Variants in GRIK2 observed in about 807,000 individuals in gnomAD.
GRIK2 encodes the protein glutamate ionotropic receptor kainate type subunit 2, also known as glutamate receptor ionotropic, kainate 2.
Under a neutral mutation model 100.3 loss-of-function variants are expected in GRIK2, and 32 were observed. The ratio of observed to expected loss-of-function variants is 0.32; its 90% CI spans 0.24 to 0.43. The LOEUF (loss-of-function observed/expected upper bound fraction) is 0.43, where lower values mean the gene tolerates loss of function less well. Among genes scored for constraint, GRIK2 ranks in the 20% least tolerant of loss-of-function variants. The pLI is 1.00. For synonymous variants in GRIK2, 417 were observed against 389.4 expected, an observed-to-expected ratio of 1.07 and a Z score of -0.83; for missense variants, 843 against 1,114.9, an observed-to-expected ratio of 0.76 and a Z score of 3.47.
rs77270758 is a variant in GRIK2, at chr6:101,469,188, G to A, written c.115+69796G>A. On this transcript the variant is annotated intron_variant, in intron 2 of 16. Transcript: ENST00000369134. ...AGGTGGTTTGTTCAAAAATATCAGA[G>A]CTAATATTTTTAGAGTAACTGATCT... Among the ~76,000 whole-genome samples, 946 of 152,190 alleles carry A rather than the reference G, an allele frequency of 6.2e-3. 7 individuals carry two copies. Among genetic ancestry groups the A allele is most frequent in the African/African-American group, 0.022 (920 of 41,524 alleles).
intron 2 of GRIK2, among the ~76,000 whole-genome samples, chr6:101,429,035 C>G (rs1582429592): frequency 6.6e-6 from 1 of 152,152 alleles, no homozygotes; most frequent in East Asian, 1.9e-4. Context: ...ACATTTGCAC[C>G]TCAACCTGAG....
intron 2 of GRIK2, among the ~76,000 whole-genome samples, chr6:101,612,918 G>C (rs1024889811): frequency 2.0e-5 from 3 of 151,368 alleles, no homozygotes; most frequent in Non-Finnish European, 4.4e-5. Context: ...TGGAAAGGAA[G>C]GTAGAAGACA....
In GRIK2 at chr6:101,767,149, A is replaced by G. The variant is rs75371700; in HGVS notation, c.952-32499A>G. On this transcript the variant is annotated intron_variant, in intron 7 of 16. Transcript: ENST00000369134. ...AGAAATAACTGCTACTTTTAATTGA[A>G]ATTTTAATTTGCTTTTGGTCCATTA... 1.1e-3 allele frequency among the ~76,000 whole-genome samples: 170 copies of G among 152,300 alleles called. 2 individuals are homozygous for G. The East Asian group carries it at 0.032, about 29-fold the overall frequency.
intron 10 of GRIK2, among the ~76,000 whole-genome samples, chr6:101,836,661 A>ATTTTTTTTTTTTT (rs1194200766): frequency 3.5e-5 from 2 of 57,808 alleles, no homozygotes; most frequent in Non-Finnish European, 5.6e-5. Flanking sequence ...ATATATATAT[A>ATTTTTTTTTTTTT]TTTTTTTTTT....
chr6:101,605,943 A>G (rs1779420393), intron 2 of GRIK2, among the ~76,000 whole-genome samples: 1 of 152,048 alleles, frequency 6.6e-6, no homozygotes, highest in South Asian at 2.1e-4. Flanking sequence ...AGTAGAGCTC[A>G]CTTCCTATTC....
intron 4 of GRIK2, among the ~76,000 whole-genome samples, chr6:101,663,632 G>GA (rs1769800094): frequency 6.6e-6 from 1 of 152,196 alleles, no homozygotes; most frequent in African/African-American, 2.4e-5. Context: ...CCCGTTTGGT[G>GA]AAAAATAAGA....
intron 2 of GRIK2, among the ~76,000 whole-genome samples, chr6:101,567,979 G>C (rs569683465): frequency 1.6e-4 from 24 of 151,814 alleles, no homozygotes; most frequent in African/African-American, 4.8e-4. Flanking sequence ...TAGATGTAAA[G>C]CATAATTTAA....
intron 2 of GRIK2, among the ~76,000 whole-genome samples, chr6:101,581,561 A>G (rs1159155170): frequency 1.3e-5 from 2 of 152,110 alleles, no homozygotes; most frequent in South Asian, 2.1e-4. Context: ...AGGGCACTCA[A>G]TGAATGTTTG....
In GRIK2 at chr6:101,745,787, T is replaced by G. The variant is rs1368713995; in HGVS notation, c.952-53861T>G. 2.6e-5 allele frequency among the ~76,000 whole-genome samples: 4 copies of G among 152,202 alleles called. No homozygotes were observed. In the East Asian group the frequency reaches 7.7e-4, roughly 29 times the overall value. On this transcript the variant is annotated intron_variant, in intron 7 of 16. Transcript: ENST00000369134. ...TCTCCTCATCAGGATCATTTAATAT[T>G]GTAACACTTCAATTTTTAAATAACT...
intron 14 of GRIK2, among the ~76,000 whole-genome samples, chr6:101,960,564 TC>T (rs1415562045): frequency 6.6e-6 from 1 of 152,088 alleles, no homozygotes; most frequent in Non-Finnish European, 1.5e-5. Flanking sequence ...TGGCTTCAAT[TC>T]TGGGTGCTTT....
intron 12 of GRIK2, among the ~76,000 whole-genome samples, chr6:101,920,250 A>C (rs1789400516): frequency 6.6e-6 from 1 of 151,956 alleles, no homozygotes; most frequent in South Asian, 2.1e-4. Context: ...AGCTTGAATT[A>C]GTGGACATTT....
At chr6:101,814,051 A>T (rs931820439) in intron 9 of GRIK2, among the ~76,000 whole-genome samples, 2 of 152,102 alleles carry the variant, frequency 1.3e-5, no homozygotes, top group African/African-American at 2.4e-5. Context: ...CGTAGAGTAG[A>T]TATTTCAATT....
intron 2 of GRIK2, among the ~76,000 whole-genome samples, chr6:101,595,688 G>GTA (rs141047474): frequency 0.011 from 1,404 of 130,806 alleles, 27 homozygotes; most frequent in African/African-American, 0.028. Flanking sequence ...ATTTGTGCAT[G>GTA]TATATATATA....
chr6:101,792,932 TC>T (rs1227476186), intron 7 of GRIK2, among the ~76,000 whole-genome samples: 1 of 152,128 alleles, frequency 6.6e-6, no homozygotes, highest in African/African-American at 2.4e-5. Flanking sequence ...TCTCTAAACT[TC>T]CCTTCTCGCT....
At chr6:101,532,244 C>T (rs1363557405) in intron 2 of GRIK2, among the ~76,000 whole-genome samples, 3 of 151,922 alleles carry the variant, frequency 2.0e-5, no homozygotes, top group African/African-American at 7.2e-5. Context: ...AATGCTCTTT[C>T]TTCTATTCTG....
chr6:101,836,633 A>G (rs1179515992), intron 10 of GRIK2, among the ~76,000 whole-genome samples: 3 of 133,234 alleles, frequency 2.3e-5, no homozygotes, highest in Non-Finnish European at 4.8e-5. Flanking sequence ...ATATATATAT[A>G]TATGTATGTG....
At chr6:101,623,645 T>C (rs1780285177) in intron 3 of GRIK2, among the ~76,000 whole-genome samples, 1 of 152,148 alleles carries the variant, frequency 6.6e-6, no homozygotes, top group Non-Finnish European at 1.5e-5. Flanking sequence ...AGTACTATCC[T>C]GGGAATGCCC....
intron 2 of GRIK2, among the ~76,000 whole-genome samples, chr6:101,446,952 T>C (rs1770412459): frequency 7.5e-6 from 1 of 133,914 alleles, no homozygotes; most frequent in South Asian, 2.4e-4. Context: ...TTTATGTGTG[T>C]ATATATGCTT....
At chr6:101,944,144 C>T (rs1791129173) in intron 14 of GRIK2, among the ~76,000 whole-genome samples, 1 of 152,132 alleles carries the variant, frequency 6.6e-6, no homozygotes, top group African/African-American at 2.4e-5. Context: ...TCTCCTGCTA[C>T]CATGTAAGGC....
Sources: allele counts gnomAD v4.1 joint callset (sites outside exome capture counted in the v4.1 genomes callset), GRCh38; gene constraint gnomAD v4.1.1; transcripts MANE v1.5; gene names NCBI Gene and HGNC (gene_info 2026-07-23, HGNC 2026-07-21).